Variants in ITGBL1 observed in about 807,000 individuals in gnomAD.
ITGBL1 encodes integrin beta-like protein 1.
In ITGBL1, 51 loss-of-function variants were observed where a neutral mutation model predicts 68.5. The ratio of observed to expected loss-of-function variants is 0.74; its 90% CI spans 0.59 to 0.94. The LOEUF is 0.94. Ranked by LOEUF, ITGBL1 falls within the 40% of genes least tolerant of loss-of-function variation. ITGBL1 has a pLI of 0.00. For synonymous variants in ITGBL1, 209 were observed against 227.3 expected, an observed-to-expected ratio of 0.92 and a Z score of 0.72; for missense variants, 649 against 647.4, an observed-to-expected ratio of 1.00 and a Z score of -0.03.
intron 7 of ITGBL1, among the ~76,000 whole-genome samples, chr13:101,665,480 AG>A (rs2033192770): frequency 2.0e-5 from 3 of 152,120 alleles, no homozygotes; most frequent in Admixed American, 2.0e-4. Context: ...ACTTGTATCT[AG>A]GGACCTTGCT....
chr13:101,570,328 TG>T (rs2050252223), intron 3 of ITGBL1, among the ~76,000 whole-genome samples: 1 of 152,158 alleles, frequency 6.6e-6, no homozygotes, highest in South Asian at 2.1e-4. Context: ...GTTTTGTTTT[TG>T]CAATTCTTTA....
rs909059269 is a variant in ITGBL1 at position 101,577,166 on chromosome 13, C to T, written c.586+1620C>T. ...GGTGCAAAGTCTCTGAACAAGGACA[C>T]CAGCACTGCAGTAAACACCCTCTGG... is the stretch of plus-strand genomic sequence containing the variant. On this transcript the variant is annotated intron_variant, in intron 4 of 10. Coordinates refer to ENST00000376180, the MANE Select transcript of ITGBL1 (RefSeq NM_004791.3). Among the ~76,000 whole-genome samples the T allele has an allele frequency of 2.0e-5, 3 of 152,176 alleles. No individual in the cohort carries two copies. The South Asian group carries it at 6.2e-4, about 32-fold the overall frequency.
chr13:101,672,526 T>A (rs2033403492), intron 7 of ITGBL1, among the ~76,000 whole-genome samples: 1 of 152,162 alleles, frequency 6.6e-6, no homozygotes. Flanking sequence ...ACAAGATGGT[T>A]CTGGCCAAGT....
At chr13:101,620,775 A>G (rs2031548273) in intron 7 of ITGBL1, among the ~76,000 whole-genome samples, 4 of 152,278 alleles carry the variant, frequency 2.6e-5, no homozygotes, top group African/African-American at 9.6e-5. Context: ...GAAAAATTTA[A>G]AACACGTATG....
chr13:101,499,332 T>C (rs2048904954), intron 2 of ITGBL1, among the ~76,000 whole-genome samples: 1 of 152,248 alleles, frequency 6.6e-6, no homozygotes, highest in Non-Finnish European at 1.5e-5. Context: ...TACTTTTCTT[T>C]AATTCTGTCA....
At chr13:101,552,339 T>A (rs977768952) in intron 2 of ITGBL1, among the ~76,000 whole-genome samples, 5 of 152,326 alleles carry the variant, frequency 3.3e-5, no homozygotes, top group East Asian at 1.9e-4. Context: ...TGTTTTTTTT[T>A]AAATAGAATC....
At position 101,703,882 on chromosome 13, in the gene ITGBL1, A is replaced by T. The variant is rs183546905; in HGVS notation, c.1133-2874A>T. 5.5e-4 allele frequency among the ~76,000 whole-genome samples: 84 copies of T among 152,306 alleles called. 1 individual carries two copies. Among genetic ancestry groups the T allele is most frequent in the African/African-American group, 1.9e-3 (79 of 41,572 alleles). On this transcript the variant is annotated intron_variant, in intron 8 of 10. Transcript: ENST00000376180. ...GATTTTACAAAAGCTTTGGAAAAGG[A>T]TTTGGCTGAAGGCAGCCAGATTCTC...
At chr13:101,611,395 G>A (rs1439755190) in intron 7 of ITGBL1, among the ~76,000 whole-genome samples, 1 of 152,102 alleles carries the variant, frequency 6.6e-6, no homozygotes, top group East Asian at 1.9e-4. Flanking sequence ...CTTAACTACT[G>A]ACAGAAGATG....
At chr13:101,671,443 T>TTG (rs1555365719) in intron 7 of ITGBL1, among the ~76,000 whole-genome samples, 10 of 82,172 alleles carry the variant, frequency 1.2e-4, no homozygotes, top group East Asian at 1.7e-3. Flanking sequence ...TTTTGTTTTT[T>TTG]TTTGTTTTTT....
chr13:101,500,491 T>G (rs1345999202), intron 2 of ITGBL1, among the ~76,000 whole-genome samples: 1 of 152,188 alleles, frequency 6.6e-6, no homozygotes, highest in African/African-American at 2.4e-5. Flanking sequence ...ATTAACCAAC[T>G]GCTACAAAAT....
chr13:101,629,731 T>C (rs2031910338), intron 7 of ITGBL1, among the ~76,000 whole-genome samples: 1 of 152,192 alleles, frequency 6.6e-6, no homozygotes, highest in Non-Finnish European at 1.5e-5. Flanking sequence ...GTATTTATAG[T>C]GGTCCTTAAA....
intron 7 of ITGBL1, among the ~76,000 whole-genome samples, chr13:101,646,571 C>G (rs960210900): frequency 3.9e-5 from 6 of 152,186 alleles, no homozygotes; most frequent in African/African-American, 1.2e-4. Flanking sequence ...GAATAAAGAG[C>G]CTTAAACATC....
chr13:101,541,262 A>T (rs1202975920), intron 2 of ITGBL1, among the ~76,000 whole-genome samples: 1 of 151,302 alleles, frequency 6.6e-6, no homozygotes, highest in Non-Finnish European at 1.5e-5. Context: ...TTTTAGCATG[A>T]AGGGTTGTTG....
chr13:101,642,048 C>A (rs562274305), intron 7 of ITGBL1, among the ~76,000 whole-genome samples: 1 of 151,836 alleles, frequency 6.6e-6, no homozygotes, highest in Non-Finnish European at 1.5e-5. Context: ...TTTATAGCAG[C>A]ATGATTTATA....
chr13:101,657,736 G>A (rs1441836651), intron 7 of ITGBL1, among the ~76,000 whole-genome samples: 1 of 152,166 alleles, frequency 6.6e-6, no homozygotes, highest in Non-Finnish European at 1.5e-5. Flanking sequence ...AACACTACAT[G>A]TTCCGTAAAA....
chr13:101,587,785 G>A (rs1299969225), intron 6 of ITGBL1, among the ~76,000 whole-genome samples: 2 of 152,040 alleles, frequency 1.3e-5, no homozygotes, highest in African/African-American at 4.8e-5. Context: ...TAAAGGAAAT[G>A]ATTAAGTATA....
intron 8 of ITGBL1, among the ~76,000 whole-genome samples, chr13:101,703,049 T>C (rs1188959742): frequency 6.6e-6 from 1 of 152,154 alleles, no homozygotes; most frequent in Non-Finnish European, 1.5e-5. Context: ...AGGCATTGTG[T>C]TAGGCACTCT....
chr13:101,708,825 A>C (rs983994335), intron 9 of ITGBL1, among the ~76,000 whole-genome samples: 1 of 152,226 alleles, frequency 6.6e-6, no homozygotes, highest in African/African-American at 2.4e-5. Flanking sequence ...CATGCCATCA[A>C]CCTAATGTCA....
chr13:101,662,037 C>G (rs1452228382), intron 7 of ITGBL1, among the ~76,000 whole-genome samples: 1 of 152,108 alleles, frequency 6.6e-6, no homozygotes, highest in East Asian at 1.9e-4. Context: ...TGACATAGAG[C>G]TTATCATTGT....
Sources: allele counts gnomAD v4.1 joint callset (sites outside exome capture counted in the v4.1 genomes callset), GRCh38; gene constraint gnomAD v4.1.1; transcripts MANE v1.5; gene names NCBI Gene and HGNC (gene_info 2026-07-23, HGNC 2026-07-21).